PPME1: variants seen among roughly 807,000 people sequenced by gnomAD.
PPME1 encodes the protein testicular secretory protein Li 39.
Under a neutral mutation model 56.9 loss-of-function variants are expected in PPME1, and 17 were observed. The ratio of observed to expected loss-of-function variants is 0.30; its 90% CI spans 0.20 to 0.45. PPME1 has a LOEUF of 0.45. Ranked by LOEUF, PPME1 falls within the 20% of genes least tolerant of loss-of-function variation. The probability of loss-of-function intolerance (pLI) is 1.00; values close to 1 mark genes in which losing one functional copy is unlikely to be tolerated. For missense variants in PPME1, 357 were observed against 483.2 expected (o/e 0.74, Z 2.45); for synonymous variants, 122 against 156.2 (o/e 0.78, Z 1.63).
At chr11:74,181,326 G>A (rs1857531490) in intron 1 of PPME1, among the ~76,000 whole-genome samples, 1 of 152,064 alleles carries the variant, frequency 6.6e-6, no homozygotes, top group African/African-American at 2.4e-5. Context: ...GGGATTACAG[G>A]CGTGAGCCAC....
intron 9 of PPME1, chr11:74,243,645 C>G (rs1859433715): frequency 6.6e-6 from 1 of 152,140 alleles, no homozygotes; most frequent in East Asian, 1.9e-4. Flanking sequence ...CTTTGTATCT[C>G]CTTTTACTGA....
Position 74,250,602 on chromosome 11 carries a change from A to G in PPME1, c.1010-352A>G, listed in dbSNP as rs371507333. 7.1e-5 allele frequency: 14 copies of G among 196,440 alleles called. No individual in the cohort carries two copies. The East Asian group carries it at 1.5e-3, about 21-fold the overall frequency. The allele number at this position is 196,440 out of a possible 1,614,324, so 12.2% of individuals were successfully genotyped here. A position where few individuals can be genotyped will look rare whatever the true frequency, so the allele number is the denominator to read the frequency against. ...TTCTTATGCTCTTACAGCCCCATGT[A>G]GCCAGTTTTATCATAGGAATGACAT... On this transcript the variant is annotated intron_variant, in intron 11 of 13. Transcript: ENST00000328257.
intron 7 of PPME1, among the ~76,000 whole-genome samples, chr11:74,234,870 G>A (rs1859153555): frequency 6.6e-6 from 1 of 152,164 alleles, no homozygotes; most frequent in Admixed American, 6.5e-5. Context: ...AAGAGAGACA[G>A]GATAACTGAA....
intron 3 of PPME1, among the ~76,000 whole-genome samples, chr11:74,212,528 G>A (rs1186010610): frequency 2.0e-5 from 3 of 152,154 alleles, no homozygotes; most frequent in African/African-American, 4.8e-5. Flanking sequence ...GGGCAGCCAG[G>A]GGAGTGCTTA....
rs768766943 is a variant in PPME1 at position 74,247,067 on chromosome 11, C to G, written c.965-12C>G. ...CAAAATCTGTTTCACAATGAATTCT[C>G]TTGTTTTCTAGGTGTTGATAGATTG... On this transcript the variant is annotated splice_polypyrimidine_tract_variant and intron_variant, in intron 10 of 13. Coordinates refer to ENST00000328257, the MANE Select transcript of PPME1 (RefSeq NM_016147.3). 3 of 1,607,236 alleles carry G rather than the reference C, an allele frequency of 1.9e-6. No individual in the cohort carries two copies. The Admixed American group carries it at 5.1e-5, about 27-fold the overall frequency.
intron 5 of PPME1, among the ~76,000 whole-genome samples, chr11:74,228,177 G>A (rs1471216183): frequency 6.8e-6 from 1 of 146,822 alleles, no homozygotes; most frequent in Non-Finnish European, 1.5e-5. Context: ...CCCCAAAATT[G>A]TATCCAATAT....
chr11:74,194,039 T>A (rs976337168), intron 1 of PPME1, among the ~76,000 whole-genome samples: 1 of 152,188 alleles, frequency 6.6e-6, no homozygotes, highest in African/African-American at 2.4e-5. Flanking sequence ...CTGAGGGCAC[T>A]ACCAGTTGGA....
chr11:74,221,382 G>A lies in PPME1; in HGVS notation c.289-930G>A, dbSNP rs112492230. On this transcript the variant is annotated intron_variant, in intron 3 of 13. Coordinates refer to ENST00000328257, the MANE Select transcript of PPME1 (RefSeq NM_016147.3). ...TTCATTCCATTGTTGCCTTTAAAAGGTATTCATTAGAATAATAGAAATAGA... is the reference window on the plus strand; with the variant it reads ...TTCATTCCATTGTTGCCTTTAAAAGATATTCATTAGAATAATAGAAATAGA... Among the ~76,000 whole-genome samples the A allele has an allele frequency of 3.5e-3, 537 of 152,192 alleles. 4 individuals are homozygous for A. The highest frequency in any genetic ancestry group is 0.027 in the Middle Eastern group (8 of 294).
intron 3 of PPME1, among the ~76,000 whole-genome samples, chr11:74,213,662 TAAAG>T (rs752834936): frequency 3.3e-5 from 5 of 152,218 alleles, no homozygotes; most frequent in Admixed American, 6.5e-5. Context: ...TGGGAGAAAA[TAAAG>T]GAAGAGTGTA....
At chr11:74,208,070 T>G (rs565300047) in intron 3 of PPME1, among the ~76,000 whole-genome samples, 3 of 152,154 alleles carry the variant, frequency 2.0e-5, no homozygotes, top group Admixed American at 1.3e-4. Context: ...TCCCAGCACT[T>G]TGGGAGGCCG....
chr11:74,210,662 C>G (rs1158934643), intron 3 of PPME1, among the ~76,000 whole-genome samples: 1 of 152,136 alleles, frequency 6.6e-6, no homozygotes, highest in African/African-American at 2.4e-5. Flanking sequence ...TATCACATGA[C>G]CTTTGCACCT....
intron 9 of PPME1, among the ~76,000 whole-genome samples, chr11:74,243,879 T>C (rs1859441048): frequency 6.6e-6 from 1 of 152,082 alleles, no homozygotes; most frequent in Non-Finnish European, 1.5e-5. Context: ...ACAGTTAATA[T>C]TCACATTGTT....
intron 1 of PPME1, among the ~76,000 whole-genome samples, chr11:74,191,099 G>A (rs1025487019): frequency 5.3e-5 from 8 of 152,236 alleles, no homozygotes; most frequent in Admixed American, 2.0e-4. Flanking sequence ...GCACTGGGAG[G>A]CCAAAGTGGG....
chr11:74,253,406 G>A, intron 13 of PPME1, 86 bp from the exon 14 acceptor site: 1 of 1,404,350 alleles, frequency 7.1e-7, no homozygotes, highest in Admixed American at 1.8e-5. Context: ...TGGTCATTAG[G>A]GAGGGCTTCC....
At chr11:74,193,345 A>G (rs571636426) in intron 1 of PPME1, among the ~76,000 whole-genome samples, 1 of 152,372 alleles carries the variant, frequency 6.6e-6, no homozygotes, top group East Asian at 1.9e-4. Flanking sequence ...CAAAATTATT[A>G]AAAACATTGT....
In PPME1 at chr11:74,204,174, T is replaced by C. The variant is rs1180790534; in HGVS notation, c.196-179T>C. ...TTTTTTTTTTTTTCATTGAACAAAA[T>C]GGTCACACAGGCTTCATGCTTCAAA... On this transcript the variant is annotated intron_variant, in intron 2 of 13. Coordinates refer to ENST00000328257, the MANE Select transcript of PPME1 (RefSeq NM_016147.3). Among the ~76,000 whole-genome samples the C allele has an allele frequency of 8.0e-5, 12 of 150,496 alleles. No individual in the cohort carries two copies. In the Admixed American group the frequency reaches 8.0e-4, roughly 10 times the overall value.
rs1000125678 is a variant in PPME1, at chr11:74,253,859, A to G, written c.*349A>G. On this transcript the variant is annotated 3_prime_UTR_variant, in exon 14 of 14. Coordinates refer to ENST00000328257, the MANE Select transcript of PPME1 (RefSeq NM_016147.3). The stretch of plus-strand genomic sequence containing the variant: ...GCATCAGGCGATACATCTGAGTTCA[A>G]ATGTCTTCCCAGGCTCAGGGACCTC... The G allele has an allele frequency of 1.9e-5, 8 of 410,348 alleles. No homozygotes were observed. Among genetic ancestry groups the G allele is most frequent in the South Asian group, 9.1e-5 (2 of 21,938 alleles). The allele number at this position is 410,348 out of a possible 1,614,324, so 25.4% of individuals were successfully genotyped here.
chr11:74,195,345 T>G (rs1857952478), intron 1 of PPME1, among the ~76,000 whole-genome samples: 1 of 152,204 alleles, frequency 6.6e-6, no homozygotes, highest in African/African-American at 2.4e-5. Flanking sequence ...ATTATTTAGC[T>G]TTGCCTGTTT....
intron 1 of PPME1, among the ~76,000 whole-genome samples, chr11:74,199,764 G>T (rs773577103): frequency 6.6e-6 from 1 of 152,204 alleles, no homozygotes; most frequent in Admixed American, 6.5e-5. Context: ...CACATGGCTG[G>T]GGAGGCATCA....
Sources: gnomAD v4.1 joint callset for allele counts (sites outside exome capture counted in the v4.1 genomes callset) on GRCh38, gnomAD v4.1.1 for gene constraint, MANE v1.5 for transcripts, NCBI Gene and HGNC (gene_info 2026-07-23, HGNC 2026-07-21) for gene names.